The following RBBP6 variants were observed in gnomAD, a reference collection of about 807,000 sequenced individuals.
RBBP6 encodes the protein RB binding protein 6, ubiquitin ligase.
In RBBP6, 25 loss-of-function variants were observed where a neutral mutation model predicts 167.7. The observed-to-expected ratio is 0.15, with a 90% confidence interval of 0.11 to 0.21. The LOEUF (loss-of-function observed/expected upper bound fraction) is 0.21, where lower values mean the gene tolerates loss of function less well. Among genes scored for constraint, RBBP6 ranks in the 10% least tolerant of loss-of-function variants. The pLI, the probability that RBBP6 is intolerant of heterozygous loss-of-function variation, is 1.00. For synonymous variants in RBBP6, 789 were observed against 735.8 expected, an observed-to-expected ratio of 1.07 and a Z score of -1.17; for missense variants, 1,868 against 2,134.2, an observed-to-expected ratio of 0.88 and a Z score of 2.46.
chr16:24,545,817 T>C (rs1898631137), intron 1 of RBBP6, among the ~76,000 whole-genome samples: 1 of 152,258 alleles, frequency 6.6e-6, no homozygotes. Flanking sequence ...GTTTAGGGAC[T>C]AGGAGAGACA....
chr16:24,550,550 C>G (rs1228063216), intron 3 of RBBP6, among the ~76,000 whole-genome samples: 1 of 151,570 alleles, frequency 6.6e-6, no homozygotes, highest in Non-Finnish European at 1.5e-5. Context: ...AGTATTTAAA[C>G]TAATTCAGAT....
At chr16:24,557,596 T>C (rs994028225) in intron 7 of RBBP6, among the ~76,000 whole-genome samples, 1 of 152,030 alleles carries the variant, frequency 6.6e-6, no homozygotes, top group Admixed American at 6.5e-5. Context: ...TCCTGGTTGC[T>C]CCGCCCCCAA....
At position 24,542,793 on chromosome 16, in the gene RBBP6, C is replaced by T. The variant is rs563043569; in HGVS notation, c.166+2001C>T. Among the ~76,000 whole-genome samples the T allele has an allele frequency of 6.5e-4, 99 of 152,154 alleles. 1 individual carries two copies. The highest frequency in any genetic ancestry group is 6.3e-3 in the Admixed American group (96 of 15,272). On this transcript the variant is annotated intron_variant, in intron 1 of 17. Transcript: ENST00000319715. Reference sequence around the variant, plus strand: ...AAGTTATAGTTAAAAGAATCCTGTCCGGAAATTTAAGAGTTTTGTGACTTT... The same window carrying T: ...AAGTTATAGTTAAAAGAATCCTGTCTGGAAATTTAAGAGTTTTGTGACTTT...
At chr16:24,545,139 G>A (rs143819818) in intron 1 of RBBP6, among the ~76,000 whole-genome samples, 117 of 152,152 alleles carry the variant, frequency 7.7e-4, no homozygotes, top group African/African-American at 2.7e-3. Context: ...GTGCAGTGGC[G>A]CGATCTCGGC....
At chr16:24,567,075 G>C (rs1899212133) in intron 14 of RBBP6, 68 bp from the exon 15 acceptor site, 1 of 1,472,910 alleles carries the variant, frequency 6.8e-7, no homozygotes, top group African/African-American at 1.4e-5. Flanking sequence ...ATGGATAGAA[G>C]AGATAAGCTT....
rs560621444 is a variant in RBBP6, at chr16:24,571,704, A to G, written c.4638A>G (p.Lys1546=). 6.2e-7 allele frequency: 1 copy of G among 1,614,204 alleles called. No individual in the cohort carries two copies. Among genetic ancestry groups the G allele is most frequent in the Non-Finnish European group, 8.5e-7 (1 of 1,180,020 alleles). Reference sequence around the variant, plus strand: ...GAGACAGAAAACCTCATGATCACAAAGCCACTTATGATACTAAACGGCCAA... The same window carrying G: ...GAGACAGAAAACCTCATGATCACAAGGCCACTTATGATACTAAACGGCCAA... ...PSRDRKPHDH[K]ATYDTKRPNE... The change falls in exon 18 of 18, where the codon AAA becomes AAG. Residue 1546 remains lysine, a synonymous_variant. Coordinates refer to ENST00000319715, the MANE Select transcript of RBBP6 (RefSeq NM_006910.5).
intron 16 of RBBP6, 111 bp downstream of exon 16, chr16:24,568,004 T>A (rs1899234707): frequency 2.4e-6 from 2 of 842,202 alleles, no homozygotes; most frequent in Non-Finnish European, 3.8e-6. Flanking sequence ...TGATTCGGTC[T>A]AGGTGTATAG....
intron 14 of RBBP6, 21 bp downstream of exon 14, chr16:24,564,886 G>A: frequency 6.2e-7 from 1 of 1,600,894 alleles, no homozygotes; most frequent in Non-Finnish European, 8.5e-7. Flanking sequence ...TAAAAATCTT[G>A]GAAAATAATC....
In RBBP6 at chr16:24,569,117, A is replaced by G; in HGVS notation, c.2427A>G (p.Lys809=). 2.5e-6 allele frequency: 4 copies of G among 1,613,390 alleles called. No individual in the cohort carries two copies. The highest frequency in any genetic ancestry group is 3.4e-6 in the Non-Finnish European group (4 of 1,179,802). ...AAGTTCCACCACCATATGACATGAA[A>G]GCATATTATGGGAGAAGTGTTGACT... The part of the protein sequence containing the change: ...YREVPPPYDM[K]AYYGRSVDFR... The change falls in exon 17 of 18, where the codon AAA becomes AAG. Residue 809 remains lysine (K), a synonymous_variant. Transcript: ENST00000319715.
rs117664949 is a variant in RBBP6, at chr16:24,540,382, T to A, written c.-245T>A. 1.4e-3 allele frequency: 550 copies of A among 387,882 alleles called. 6 individuals carry two copies. In the East Asian group the frequency reaches 0.022, roughly 16 times the overall value. 24.0% of individuals were successfully genotyped at this position (387,882 alleles called of 1,614,324 possible). A position where few individuals can be genotyped will look rare whatever the true frequency, so the allele number is the denominator to read the frequency against. The stretch of plus-strand genomic sequence containing the variant: ...TTGTGCCCGTTGGCGGATTCTCGAT[T>A]TCCCCTCTTCCCCGTCCTCGTCCTC... On this transcript the variant is annotated 5_prime_UTR_variant, in exon 1 of 18. Coordinates refer to ENST00000319715, the MANE Select transcript of RBBP6 (RefSeq NM_006910.5).
At position 24,554,909 on chromosome 16, in the gene RBBP6, A is replaced by G. The variant is rs182067168; in HGVS notation, c.349-706A>G. 14 of 152,100 alleles carry G rather than the reference A, an allele frequency of 9.2e-5. No individual in the cohort carries two copies. The East Asian group carries it at 2.7e-3, about 29-fold the overall frequency. 9.4% of individuals were successfully genotyped at this position (152,100 alleles called of 1,614,324 possible). A position where few individuals can be genotyped will look rare whatever the true frequency, so the allele number is the denominator to read the frequency against. ...TCTGTTAATGTTAAGCATTCTTTGT[A>G]TATAAAATTACAATAAAATGTTAAA... On this transcript the variant is annotated intron_variant, in intron 4 of 17. Coordinates refer to ENST00000319715, the MANE Select transcript of RBBP6 (RefSeq NM_006910.5).
Position 24,569,552 on chromosome 16 carries a change from A to G in RBBP6, c.2862A>G (p.Leu954=), listed in dbSNP as rs143159988. 3.4e-4 allele frequency: 553 copies of G among 1,612,092 alleles called. 2 individuals carry two copies. The African/African-American group carries it at 6.1e-3, about 18-fold the overall frequency. Residue 954 remains leucine, a synonymous_variant, in exon 17 of 18, where the codon TTA becomes TTG. Coordinates refer to ENST00000319715, the MANE Select transcript of RBBP6 (RefSeq NM_006910.5). ...AGGGTTTTCTGAACCCAGAGTTATT[A>G]GAGACTTCTAGGAAATCAAGAGAAC... is the stretch of plus-strand genomic sequence containing the variant. The part of the protein sequence containing the change: ...ESEGFLNPEL[L]ETSRKSREPT...
At position 24,569,144 on chromosome 16, in the gene RBBP6, T is replaced by C. The variant is rs748400933; in HGVS notation, c.2454T>C (p.Phe818=). 17 of 1,612,000 alleles carry C rather than the reference T, an allele frequency of 1.1e-5. No homozygotes were observed. Among genetic ancestry groups the C allele is most frequent in the South Asian group, 2.2e-5 (2 of 90,910 alleles). ...MKAYYGRSVD[F]RDPFEKERYR... ...CATATTATGGGAGAAGTGTTGACTT[T>C]AGAGACCCATTTGAAAAAGAACGCT... Residue 818 remains phenylalanine (F), a synonymous_variant, in exon 17 of 18, where the codon TTT becomes TTC. Coordinates refer to ENST00000319715, the MANE Select transcript of RBBP6 (RefSeq NM_006910.5).
At chr16:24,566,506 C>T (rs1274241715) in intron 14 of RBBP6, among the ~76,000 whole-genome samples, 1 of 152,174 alleles carries the variant, frequency 6.6e-6, no homozygotes, top group Non-Finnish European at 1.5e-5. Flanking sequence ...GTAACCCCAG[C>T]ACTTTGTGCA....
rs1172676666 is a variant in RBBP6 at position 24,539,801 on chromosome 16, GA to G, written c.-825del. On this transcript the variant is annotated 5_prime_UTR_variant, in exon 1 of 18. Coordinates refer to ENST00000319715, the MANE Select transcript of RBBP6 (RefSeq NM_006910.5). Reference sequence around the variant, plus strand: ...GGATCCGGCGAGAAGAAGCGTCAGGGAGCCTCGGCGGTGTCCCCGGGGTCCG... The same window carrying G: ...GGATCCGGCGAGAAGAAGCGTCAGGGGCCTCGGCGGTGTCCCCGGGGTCCG... The G allele has an allele frequency of 2.6e-5, 4 of 152,248 alleles. No homozygotes were observed. Among genetic ancestry groups the G allele is most frequent in the Admixed American group, 6.5e-5 (1 of 15,290 alleles). 9.4% of individuals were successfully genotyped at this position (152,248 alleles called of 1,614,324 possible). A position where few individuals can be genotyped will look rare whatever the true frequency, so the allele number is the denominator to read the frequency against.
intron 6 of RBBP6, 35 bp from the exon 7 acceptor site, chr16:24,556,273 C>T (rs1232661472): frequency 2.7e-6 from 4 of 1,485,890 alleles, no homozygotes; most frequent in Admixed American, 3.8e-5. Context: ...ACTGCTTTTT[C>T]TCTTCCTCCT....
chr16:24,569,612 G>A lies in RBBP6; in HGVS notation c.2922G>A (p.Leu974=). Reference sequence around the variant, plus strand: ...TTGAAGAAAATAAAACAGACTCATTGTTTGTTCTCCCAAGTAGAGATGATG... The same window carrying A: ...TTGAAGAAAATAAAACAGACTCATTATTTGTTCTCCCAAGTAGAGATGATG... ...TGVEENKTDS[L]FVLPSRDDAT... is the part of the protein sequence containing the mutation. Residue 974 remains leucine, a synonymous_variant, in exon 17 of 18, where the codon TTG becomes TTA. Transcript: ENST00000319715. 6.2e-7 allele frequency: 1 copy of A among 1,611,988 alleles called. No individual in the cohort carries two copies. Among genetic ancestry groups the A allele is most frequent in the Non-Finnish European group, 8.5e-7 (1 of 1,179,502 alleles).
intron 7 of RBBP6, among the ~76,000 whole-genome samples, chr16:24,557,977 TC>T (rs1262463092): frequency 6.6e-6 from 1 of 152,220 alleles, no homozygotes; most frequent in Admixed American, 6.5e-5. Flanking sequence ...TTTTTATCAG[TC>T]ACCATCCTGT....
Position 24,570,470 on chromosome 16 carries a change from A to T in RBBP6, c.3780A>T (p.Gly1260=), listed in dbSNP as rs774808469. The T allele has an allele frequency of 3.8e-6, 6 of 1,594,604 alleles. No homozygotes were observed. The highest frequency in any genetic ancestry group is 5.1e-6 in the Non-Finnish European group (6 of 1,175,202). ...KVRRKVTGTE[G]SSSTLVDYTS... The stretch of plus-strand genomic sequence containing the variant: ...GACGAAAAGTGACTGGAACTGAAGG[A>T]TCCAGCTCAACTCTGGTGGATTACA... Residue 1260 remains glycine (G), a synonymous_variant, in exon 17 of 18, where the codon GGA becomes GGT. Coordinates refer to ENST00000319715, the MANE Select transcript of RBBP6 (RefSeq NM_006910.5).
Sources: allele counts gnomAD v4.1 joint callset (sites outside exome capture counted in the v4.1 genomes callset), GRCh38; gene constraint gnomAD v4.1.1; transcripts MANE v1.5; gene names NCBI Gene and HGNC (gene_info 2026-07-23, HGNC 2026-07-21).